STAG1: variants seen among roughly 807,000 people sequenced by gnomAD.
STAG1 encodes the protein STAG1 cohesin complex component.
Under a neutral mutation model 170.9 loss-of-function variants are expected in STAG1, and 26 were observed. The ratio of observed to expected loss-of-function variants is 0.15; its 90% CI spans 0.11 to 0.21. The LOEUF (loss-of-function observed/expected upper bound fraction) is 0.21, where lower values mean the gene tolerates loss of function less well. Ranked by LOEUF, STAG1 falls within the 10% of genes least tolerant of loss-of-function variation. The probability of loss-of-function intolerance (pLI) is 1.00; values close to 1 mark genes in which losing one functional copy is unlikely to be tolerated. For missense variants in STAG1, 964 were observed against 1,509.5 expected, an observed-to-expected ratio of 0.64 and a Z score of 5.99; for synonymous variants, 514 against 497.7, an observed-to-expected ratio of 1.03 and a Z score of -0.44.
intron 1 of STAG1, among the ~76,000 whole-genome samples, chr3:136,714,953 A>AT (rs1553770532): frequency 3.2e-4 from 29 of 91,018 alleles, no homozygotes; most frequent in South Asian, 1.1e-3. Flanking sequence ...ATATATATAT[A>AT]TATATATATA....
intron 1 of STAG1, among the ~76,000 whole-genome samples, chr3:136,744,341 C>G (rs552216468): frequency 6.6e-6 from 1 of 152,190 alleles, no homozygotes; most frequent in South Asian, 2.1e-4. Context: ...AATAAAAATA[C>G]AAGGATTTCA....
At position 136,642,358 on chromosome 3, in the gene STAG1, G is replaced by A. The variant is rs375893884; in HGVS notation, c.-83-11377C>T. ...GCGATCTTAGCTCACTGCAACCTCC[G>A]CCTCCTGGGTTCATGCAATTCTCCT... On this transcript the variant is annotated intron_variant, in intron 1 of 33. Coordinates refer to ENST00000383202, the MANE Select transcript of STAG1 (RefSeq NM_005862.3). Among the ~76,000 whole-genome samples, 6 of 131,260 alleles carry A rather than the reference G, an allele frequency of 4.6e-5. No homozygotes were observed. In the East Asian group the frequency reaches 1.1e-3, roughly 25 times the overall value. 86.1% of individuals were successfully genotyped at this position (131,260 alleles called of 152,430 possible). A position where few individuals can be genotyped will look rare whatever the true frequency, so the allele number is the denominator to read the frequency against.
At position 136,676,102 on chromosome 3, in the gene STAG1, G is replaced by C. The variant is rs555798883; in HGVS notation, c.-83-45121C>G. 3.9e-5 allele frequency among the ~76,000 whole-genome samples: 6 copies of C among 152,318 alleles called. No individual in the cohort carries two copies. In the South Asian group the frequency reaches 1.2e-3, roughly 32 times the overall value. On this transcript the variant is annotated intron_variant, in intron 1 of 33. Coordinates refer to ENST00000383202, the MANE Select transcript of STAG1 (RefSeq NM_005862.3). ...TAAGCCATTTGTGTATCTAAACATA[G>C]AAATGGTACAGTAAAAATATGGTAC...
chr3:136,511,649 G>A (rs1184058242), intron 7 of STAG1, among the ~76,000 whole-genome samples: 3 of 152,176 alleles, frequency 2.0e-5, no homozygotes, highest in Non-Finnish European at 2.9e-5. Flanking sequence ...TCTAATGGAG[G>A]ATGGAAGTCT....
At chr3:136,555,672 A>T (rs1936585638) in intron 5 of STAG1, among the ~76,000 whole-genome samples, 1 of 150,596 alleles carries the variant, frequency 6.6e-6, no homozygotes, top group East Asian at 1.9e-4. Flanking sequence ...CTACAGAGCT[A>T]GACTCTGTCT....
chr3:136,722,750 T>C (rs913316295), intron 1 of STAG1, among the ~76,000 whole-genome samples: 1 of 151,052 alleles, frequency 6.6e-6, no homozygotes, highest in African/African-American at 2.4e-5. Flanking sequence ...GAGCCGAAGC[T>C]GGACTGTACT....
chr3:136,604,583 TTTC>T (rs1938842796), intron 3 of STAG1, 110 bp from the exon 4 acceptor site: 2 of 1,007,900 alleles, frequency 2.0e-6, no homozygotes, highest in Non-Finnish European at 2.8e-6. Flanking sequence ...AACTTTAAAA[TTTC>T]TTCTCAGTAA....
chr3:136,657,320 G>A (rs1026332775), intron 1 of STAG1, among the ~76,000 whole-genome samples: 2 of 147,422 alleles, frequency 1.4e-5, no homozygotes, highest in East Asian at 2.1e-4. Flanking sequence ...TCCCTCAGCC[G>A]CCCGAGTAGC....
chr3:136,596,098 C>G (rs1184655970), intron 4 of STAG1, among the ~76,000 whole-genome samples: 3 of 152,190 alleles, frequency 2.0e-5, no homozygotes, highest in Non-Finnish European at 2.9e-5. Flanking sequence ...ACAAAGGATT[C>G]TGAATATTAC....
chr3:136,457,996 T>C (rs922116030), intron 13 of STAG1, among the ~76,000 whole-genome samples: 1 of 152,146 alleles, frequency 6.6e-6, no homozygotes, highest in East Asian at 1.9e-4. Flanking sequence ...ATTGCTGAGA[T>C]AAGCAAAATT....
rs1308814193 is a variant in STAG1 at position 136,542,115 on chromosome 3, A to C, written c.471+4T>G. ...CAATTTGTATGAATATTGGAATGCT[A>C]TACCTCATCAAATTCTTCAGTCATT... On this transcript the variant is annotated splice_donor_region_variant and intron_variant, in intron 6 of 33. Transcript: ENST00000383202. 1.2e-6 allele frequency: 2 copies of C among 1,603,116 alleles called. No individual in the cohort carries two copies. Among genetic ancestry groups the C allele is most frequent in the African/African-American group, 1.3e-5 (1 of 74,792 alleles).
chr3:136,459,385 G>C (rs948968540), intron 13 of STAG1, among the ~76,000 whole-genome samples: 1 of 152,084 alleles, frequency 6.6e-6, no homozygotes, highest in Non-Finnish European at 1.5e-5. Context: ...CATAAGGAAA[G>C]AGAGTAACTG....
Position 136,719,975 on chromosome 3 carries a change from G to A in STAG1, c.-84+32220C>T, listed in dbSNP as rs149129315. On this transcript the variant is annotated intron_variant, in intron 1 of 33. Coordinates refer to ENST00000383202, the MANE Select transcript of STAG1 (RefSeq NM_005862.3). ...GCAGGTCACCTGAGGCCAGGAGTTC[G>A]AGACCAGCATGACCATTACGGAGAA... Among the ~76,000 whole-genome samples the A allele has an allele frequency of 1.3e-3, 196 of 151,820 alleles. 1 individual carries two copies. Among genetic ancestry groups the A allele is most frequent in the African/African-American group, 4.3e-3 (179 of 41,356 alleles).
At chr3:136,589,007 C>T (rs967297138) in intron 4 of STAG1, among the ~76,000 whole-genome samples, 1 of 152,110 alleles carries the variant, frequency 6.6e-6, no homozygotes, top group Non-Finnish European at 1.5e-5. Context: ...GTGATCTACC[C>T]GCCTTCGTCT....
At chr3:136,378,804 T>TA (rs1341269728) in intron 22 of STAG1, among the ~76,000 whole-genome samples, 1 of 152,218 alleles carries the variant, frequency 6.6e-6, no homozygotes, top group Non-Finnish European at 1.5e-5. Context: ...GACTATCTGA[T>TA]ATAAGAGCTC....
chr3:136,513,053 A>C (rs1457472306), intron 7 of STAG1, among the ~76,000 whole-genome samples: 5 of 152,180 alleles, frequency 3.3e-5, no homozygotes, highest in Admixed American at 2.6e-4. Flanking sequence ...ATTTCAAAAA[A>C]GGGAGACTTG....
intron 13 of STAG1, among the ~76,000 whole-genome samples, chr3:136,463,769 A>G (rs563251202): frequency 0.035 from 1,634 of 46,224 alleles, 15 homozygotes; most frequent in Admixed American, 0.068. Flanking sequence ...GTGTGTGTGT[A>G]TACACACACA....
intron 12 of STAG1, among the ~76,000 whole-genome samples, chr3:136,469,560 C>T (rs1373368665): frequency 9.9e-4 from 142 of 143,478 alleles, no homozygotes; most frequent in Admixed American, 1.6e-3. Context: ...CCATACTGCC[C>T]AAGGTAATTT....
chr3:136,615,655 G>A (rs1002505641), intron 3 of STAG1, among the ~76,000 whole-genome samples: 4 of 151,172 alleles, frequency 2.6e-5, no homozygotes, highest in Non-Finnish European at 4.4e-5. Context: ...GTGGGCACCT[G>A]TAGTCCCAGC....
Sources: gnomAD v4.1 joint callset for allele counts (sites outside exome capture counted in the v4.1 genomes callset) on GRCh38, gnomAD v4.1.1 for gene constraint, MANE v1.5 for transcripts, NCBI Gene and HGNC (gene_info 2026-07-23, HGNC 2026-07-21) for gene names.